Variants in MATN2 observed in about 807,000 individuals in gnomAD.
MATN2 encodes matrilin-2.
In MATN2, 69 loss-of-function variants were observed where a neutral mutation model predicts 103.2. The ratio of observed to expected loss-of-function variants is 0.67; its 90% CI spans 0.55 to 0.82. The LOEUF is 0.82. MATN2 is among the 40% of genes least tolerant of loss of function. MATN2 has a pLI of 0.00. For synonymous variants in MATN2, 429 were observed against 450.2 expected (o/e 0.95, Z 0.60); for missense variants, 1,023 against 1,211.5 (o/e 0.84, Z 2.31).
In MATN2 at chr8:97,931,225, G is replaced by A; in HGVS notation, c.415G>A (p.Ala139Thr). Residue 139 changes from alanine (A) to threonine (T), a missense_variant, in exon 3 of 19, where the codon GCC becomes ACC. Coordinates refer to ENST00000254898, the MANE Select transcript of MATN2 (RefSeq NM_002380.5). This position sits in a 1 kb window ranked among gnomAD's most constrained non-coding sequence, Gnocchi z 4.1. Reference sequence around the variant, plus strand: ...GTCCACGGGCACCATGACTGGGCTGGCCATCCAGTATGCCCTGAACATCGC... The same window carrying A: ...GTCCACGGGCACCATGACTGGGCTGACCATCCAGTATGCCCTGAACATCGC... ...HLSTGTMTGLAIQYALNIAFS... is the reference protein window; with the variant it reads ...HLSTGTMTGLTIQYALNIAFS... 1.2e-6 allele frequency: 2 copies of A among 1,613,724 alleles called. No homozygotes were observed. Among genetic ancestry groups the A allele is most frequent in the South Asian group, 1.1e-5 (1 of 91,066 alleles).
At chr8:97,951,859 G>C (rs1365106216) in intron 4 of MATN2, 2 of 152,110 alleles carry the variant, frequency 1.3e-5, no homozygotes, top group African/African-American at 4.8e-5. Flanking sequence ...AATCTTGTTA[G>C]TGAACAGGAG....
rs941781962 is a variant in MATN2, at chr8:98,005,449, C to A, written c.1328-1656C>A. On this transcript the variant is annotated intron_variant, in intron 8 of 18. Transcript: ENST00000254898. This position sits in a 1 kb window ranked among gnomAD's most constrained non-coding sequence, Gnocchi z 4.6. ...TTTTCCCAGGGCAGGTGGTCCTGAC[C>A]TGGCTGAGCCCACGCAGATCACCAG... 6.6e-6 allele frequency among the ~76,000 whole-genome samples: 1 copy of A among 152,134 alleles called. No individual in the cohort carries two copies. Among genetic ancestry groups the A allele is most frequent in the Admixed American group, 6.5e-5 (1 of 15,278 alleles).
chr8:97,998,379 G>A lies in MATN2; in HGVS notation c.1204+3777G>A, dbSNP rs1178541756. On this transcript the variant is annotated intron_variant, in intron 7 of 18. Coordinates refer to ENST00000254898, the MANE Select transcript of MATN2 (RefSeq NM_002380.5). ...ACTAAAAAATATTAAAAAATTAGCC[G>A]GGCTTGGTGGCGGGCGCCTGTAGTC... 1.6e-4 allele frequency among the ~76,000 whole-genome samples: 24 copies of A among 150,770 alleles called. No homozygotes were observed. In the South Asian group the frequency reaches 2.3e-3, roughly 14 times the overall value.
chr8:97,921,114 C>A (rs1809793402), intron 2 of MATN2, among the ~76,000 whole-genome samples: 1 of 152,194 alleles, frequency 6.6e-6, no homozygotes, highest in Non-Finnish European at 1.5e-5. Context: ...TTCCATCCCT[C>A]AGAAACCCTT....
chr8:97,910,329 A>G (rs534593013), intron 2 of MATN2, among the ~76,000 whole-genome samples: 1 of 152,138 alleles, frequency 6.6e-6, no homozygotes. Flanking sequence ...AAGTGCTGGG[A>G]TTACAGGTAT....
intron 6 of MATN2, among the ~76,000 whole-genome samples, chr8:97,979,673 G>A (rs754656825): frequency 5.9e-5 from 9 of 152,134 alleles, no homozygotes; most frequent in African/African-American, 9.7e-5. Flanking sequence ...ATTGTGTATG[G>A]ATTATTATCC....
chr8:98,017,922 G>GGGTC, intron 11 of MATN2, 72 bp from the exon 12 acceptor site: 1 of 1,560,314 alleles, frequency 6.4e-7, no homozygotes, highest in Non-Finnish European at 8.8e-7. Flanking sequence ...TCCAGTGGAT[G>GGGTC]GGTCCTCCAA....
chr8:97,875,330 G>A (rs756261935), intron 1 of MATN2, among the ~76,000 whole-genome samples: 16 of 152,060 alleles, frequency 1.1e-4, no homozygotes, highest in African/African-American at 2.7e-4. Context: ...AATTTCTCCC[G>A]CAGCTCTCAG....
At chr8:97,900,082 T>A (rs892077487) in intron 2 of MATN2, among the ~76,000 whole-genome samples, 5 of 152,124 alleles carry the variant, frequency 3.3e-5, no homozygotes, top group African/African-American at 1.2e-4. Context: ...CAAGTCCAAG[T>A]AAGGTTTTTC....
Position 98,007,461 on chromosome 8 carries a change from T to G in MATN2, c.1451-18T>G. 1 of 1,605,956 alleles carries G rather than the reference T, an allele frequency of 6.2e-7. No homozygotes were observed. Among genetic ancestry groups the G allele is most frequent in the Non-Finnish European group, 8.5e-7 (1 of 1,173,106 alleles). ...GAGGTCTCACTGATAAAGGGCTGCC[T>G]GGCTTTTGGTTTTGCAGGGGTGGAT... is the stretch of plus-strand genomic sequence containing the variant. On this transcript the variant is annotated intron_variant, in intron 9 of 18. Transcript: ENST00000254898. The surrounding 1 kb of genome is among the most constrained non-coding windows in gnomAD (Gnocchi z 4.2).
intron 7 of MATN2, among the ~76,000 whole-genome samples, chr8:98,001,110 C>T (rs1042197962): frequency 1.3e-5 from 2 of 152,188 alleles, no homozygotes; most frequent in African/African-American, 4.8e-5. Flanking sequence ...CTAGTCATTA[C>T]TTTATGATTT....
At chr8:98,024,166 G>A (rs772141851) in intron 13 of MATN2, among the ~76,000 whole-genome samples, 20 of 152,108 alleles carry the variant, frequency 1.3e-4, no homozygotes, top group Admixed American at 2.6e-4. Context: ...AAACCTGCAC[G>A]TCCTGCAGAT....
intron 6 of MATN2, among the ~76,000 whole-genome samples, chr8:97,986,954 T>C (rs1812215587): frequency 6.6e-6 from 1 of 151,710 alleles, no homozygotes; most frequent in Admixed American, 6.6e-5. Context: ...TGCCTCAGCC[T>C]CCCGAGTGGC....
intron 5 of MATN2, among the ~76,000 whole-genome samples, chr8:97,962,219 C>T (rs1182714658): frequency 1.3e-5 from 2 of 152,182 alleles, no homozygotes; most frequent in African/African-American, 4.8e-5. Flanking sequence ...ATAAACTGAA[C>T]TGAATACTTA....
intron 3 of MATN2, among the ~76,000 whole-genome samples, chr8:97,937,704 T>G: frequency 6.8e-6 from 1 of 147,178 alleles, no homozygotes. Flanking sequence ...TTCTCCTGCC[T>G]CAGCCTCCCA....
intron 4 of MATN2, among the ~76,000 whole-genome samples, chr8:97,958,330 A>G (rs919243655): frequency 6.6e-6 from 1 of 152,120 alleles, no homozygotes; most frequent in African/African-American, 2.4e-5. Flanking sequence ...AGCTGCTGCC[A>G]CCCTTCCAGA....
At chr8:97,969,020 G>A (rs1811570583) in intron 5 of MATN2, among the ~76,000 whole-genome samples, 1 of 152,192 alleles carries the variant, frequency 6.6e-6, no homozygotes, top group Admixed American at 6.5e-5. Flanking sequence ...ATTGGCCTCT[G>A]CTTCTGGTGA....
intron 6 of MATN2, among the ~76,000 whole-genome samples, chr8:97,993,911 C>T (rs1812476496): frequency 6.6e-6 from 1 of 151,994 alleles, no homozygotes; most frequent in South Asian, 2.1e-4. Context: ...GTGGCTCTTA[C>T]ATGAATCAAG....
intron 6 of MATN2, 130 bp from the exon 7 acceptor site, chr8:97,994,350 C>T: frequency 1.1e-6 from 1 of 900,626 alleles, no homozygotes; most frequent in South Asian, 1.8e-5. Flanking sequence ...TTGGGAGACC[C>T]CTTCATGGTG....
Sources: allele counts gnomAD v4.1 joint callset (sites outside exome capture counted in the v4.1 genomes callset), GRCh38; gene constraint gnomAD v4.1.1; non-coding constraint Gnocchi (gnomAD v3.1); transcripts MANE v1.5; gene names NCBI Gene and HGNC (gene_info 2026-07-23, HGNC 2026-07-21).